Variants in CDKL4 observed in about 807,000 individuals in gnomAD.
The protein encoded by CDKL4 is cyclin dependent kinase like 4.
Under a neutral mutation model 42.0 loss-of-function variants are expected in CDKL4, and 44 were observed. The ratio of observed to expected loss-of-function variants is 1.05; its 90% CI spans 0.82 to 1.35. The LOEUF is 1.35. Ranked by LOEUF, CDKL4 falls within the 40% of genes most tolerant of loss-of-function variation. CDKL4 has a pLI of 0.00. For synonymous variants in CDKL4, 120 were observed against 121.6 expected, an observed-to-expected ratio of 0.99 and a Z score of 0.09; for missense variants, 393 against 369.9, an observed-to-expected ratio of 1.06 and a Z score of -0.51.
intron 5 of CDKL4, among the ~76,000 whole-genome samples, chr2:39,201,375 T>C (rs1333991543): frequency 6.7e-6 from 1 of 149,970 alleles, no homozygotes; most frequent in African/African-American, 2.4e-5. Context: ...CTGGAGGGAA[T>C]CTAAATTAAT....
chr2:39,176,308 G>A (rs574839842), intron 9 of CDKL4, among the ~76,000 whole-genome samples: 6 of 152,206 alleles, frequency 3.9e-5, no homozygotes, highest in African/African-American at 1.4e-4. Context: ...GGATACCCAT[G>A]GATATACTAC....
At chr2:39,183,470 G>A (rs4670919) in intron 8 of CDKL4, among the ~76,000 whole-genome samples, 1 of 152,182 alleles carries the variant, frequency 6.6e-6, no homozygotes, top group Non-Finnish European at 1.5e-5. Flanking sequence ...ACCTTAGGCA[G>A]CCAACCAGGG....
chr2:39,213,517 G>T, intron 3 of CDKL4, 45 bp from the exon 4 acceptor site: 1 of 1,347,190 alleles, frequency 7.4e-7, no homozygotes, highest in Non-Finnish European at 1.1e-6. Context: ...ATAGGATAGA[G>T]TTCCAGAAGC....
chr2:39,169,099 T>A, the CDKL4 span, among the ~76,000 whole-genome samples: 1 of 152,272 alleles, frequency 6.6e-6, no homozygotes, highest in African/African-American at 2.4e-5. Flanking sequence ...TTCAGATATA[T>A]CTGTAAAATT....
At chr2:39,205,195 A>T (rs187650546) in intron 4 of CDKL4, among the ~76,000 whole-genome samples, 1 of 152,278 alleles carries the variant, frequency 6.6e-6, no homozygotes, top group Admixed American at 6.5e-5. Context: ...AAATAAAAAT[A>T]AAAAATTAAA....
chr2:39,213,479 G>GA lies in CDKL4; in HGVS notation c.291-8dup, dbSNP rs749447139. 12 of 1,600,964 alleles carry GA rather than the reference G, an allele frequency of 7.5e-6. 1 individual carries two copies. The South Asian group carries it at 1.3e-4, about 18-fold the overall frequency. On this transcript the variant is annotated splice_polypyrimidine_tract_variant and splice_region_variant and intron_variant, in intron 3 of 9. Coordinates refer to ENST00000451199, the Ensembl canonical transcript of CDKL4. Reference sequence around the variant, plus strand: ...GATCACTCCATCAGCAACTCTGAGGGAAAAAATAAAAAAGGAAATGAAAAC... The same window carrying GA: ...GATCACTCCATCAGCAACTCTGAGGGAAAAAAATAAAAAAGGAAATGAAAAC...
chr2:39,190,636 C>T, intron 5 of CDKL4, 134 bp from the exon 6 acceptor site: 3 of 678,902 alleles, frequency 4.4e-6, no homozygotes, highest in Non-Finnish European at 7.6e-6. Flanking sequence ...CATTGAGGCA[C>T]TAATTGAGGA....
chr2:39,231,997 T>C (rs183562606), intron 1 of CDKL4, among the ~76,000 whole-genome samples: 2 of 152,348 alleles, frequency 1.3e-5, no homozygotes, highest in East Asian at 3.8e-4. Flanking sequence ...ACTACAGTCA[T>C]TGGGGGAAAC....
chr2:39,200,239 A>G (rs1676766294), intron 5 of CDKL4, among the ~76,000 whole-genome samples: 1 of 152,156 alleles, frequency 6.6e-6, no homozygotes, highest in Non-Finnish European at 1.5e-5. Flanking sequence ...CCCTTTTACA[A>G]TAGCTGCAAA....
At chr2:39,211,358 A>C (rs1420961445) in intron 4 of CDKL4, among the ~76,000 whole-genome samples, 1 of 152,190 alleles carries the variant, frequency 6.6e-6, no homozygotes, top group Non-Finnish European at 1.5e-5. Context: ...ACTGCACTCC[A>C]GCCTGGGCAG....
chr2:39,187,861 A>T (rs1675922715), intron 6 of CDKL4, 152 bp from the exon 7 acceptor site: 2 of 595,886 alleles, frequency 3.4e-6, no homozygotes, highest in African/African-American at 1.9e-5. Flanking sequence ...TGACGTCAAG[A>T]GTTCGAGACC....
upstream of CDKL4, among the ~76,000 whole-genome samples, chr2:39,245,130 C>T (rs1679857040): frequency 6.6e-6 from 1 of 152,204 alleles, no homozygotes; most frequent in African/African-American, 2.4e-5. Flanking sequence ...GGTTCCTTTC[C>T]ACACTGTGGA....
intron 7 of CDKL4, among the ~76,000 whole-genome samples, chr2:39,186,239 G>A (rs904138315): frequency 2.1e-4 from 32 of 152,144 alleles, no homozygotes; most frequent in Admixed American, 3.3e-4. Context: ...AAGAAAACCA[G>A]TATATAAATC....
downstream of CDKL4, among the ~76,000 whole-genome samples, chr2:39,174,079 G>C (rs903501570): frequency 5.9e-5 from 9 of 152,030 alleles, no homozygotes; most frequent in African/African-American, 2.2e-4. Context: ...TTTACACTAA[G>C]AATGTAGGCC....
chr2:39,216,888 G>A (rs1295419965), intron 3 of CDKL4, among the ~76,000 whole-genome samples: 3 of 152,172 alleles, frequency 2.0e-5, no homozygotes, highest in Admixed American at 2.0e-4. Context: ...ACTTTAACAT[G>A]AAAGAGGATG....
intron 1 of CDKL4, among the ~76,000 whole-genome samples, chr2:39,229,901 G>A (rs955970359): frequency 1.3e-5 from 2 of 152,218 alleles, no homozygotes; most frequent in Admixed American, 6.5e-5. Context: ...GAAATATGAT[G>A]CTGTAAAATC....
Position 39,243,390 on chromosome 2 carries a change from ACAAT to A in CDKL4, c.-57+477_-57+480del, listed in dbSNP as rs527488287. On this transcript the variant is annotated intron_variant, in intron 1 of 9. Transcript: ENST00000451199. ...TTTATAAACCTGTCCAGTTGACAAT[ACAAT>A]CAGACTAATTAAAAGCATCCCCAGA... 7.9e-5 allele frequency among the ~76,000 whole-genome samples: 12 copies of A among 152,376 alleles called. No homozygotes were observed. The East Asian group carries it at 1.3e-3, about 17-fold the overall frequency.
At chr2:39,168,492 T>C in the CDKL4 span, among the ~76,000 whole-genome samples, 19 of 152,088 alleles carry the variant, frequency 1.2e-4, no homozygotes, top group Non-Finnish European at 2.8e-4. Context: ...TCCCAGCACT[T>C]TGGGAGGCTG....
intron 1 of CDKL4, among the ~76,000 whole-genome samples, chr2:39,231,094 C>T (rs1679069762): frequency 6.6e-6 from 1 of 152,120 alleles, no homozygotes. Context: ...GGCCTGTAAT[C>T]CCAGCTACTT....
Sources: allele counts gnomAD v4.1 joint callset (sites outside exome capture counted in the v4.1 genomes callset), GRCh38; gene constraint gnomAD v4.1.1; transcripts MANE v1.5; gene names NCBI Gene and HGNC (gene_info 2026-07-23, HGNC 2026-07-21).